Variants in CACNG5 observed in about 807,000 individuals in gnomAD.
CACNG5 encodes voltage-dependent calcium channel gamma-5 subunit.
In CACNG5, 18 loss-of-function variants were observed where a neutral mutation model predicts 24.8. The ratio of observed to expected loss-of-function variants is 0.73; its 90% confidence interval spans 0.50 to 1.08. The LOEUF (loss-of-function observed/expected upper bound fraction) is 1.08. Ranked by LOEUF, CACNG5 falls within the 50% of genes least tolerant of loss-of-function variation. The pLI is 0.00. For missense variants in CACNG5, 349 were observed against 367.9 expected (o/e 0.95, Z 0.42); for synonymous variants, 157 against 149.1 (o/e 1.05, Z -0.39).
rs561922224 is a variant in CACNG5 at position 66,850,037 on chromosome 17, G to A, written c.-104+14787G>A. On this transcript the variant is annotated intron_variant, in intron 1 of 5. Coordinates refer to ENST00000533854, the MANE Select transcript of CACNG5 (RefSeq NM_145811.3). ...TACAACTGCCAGTCAATCCAGCCTG[G>A]AGCCAAGTTCAGCAGATCACAAAGG... Among the ~76,000 whole-genome samples, 137 of 152,314 alleles carry A rather than the reference G, an allele frequency of 9.0e-4. 4 individuals carry two copies. In the South Asian group the frequency reaches 0.027, roughly 30 times the overall value.
At chr17:66,852,679 A>G (rs187831159) in intron 1 of CACNG5, among the ~76,000 whole-genome samples, 4 of 152,222 alleles carry the variant, frequency 2.6e-5, no homozygotes, top group Admixed American at 2.0e-4. Context: ...CACCTCGAAA[A>G]AGTATCTTGT....
At chr17:66,858,497 C>T (rs1323701525) in intron 1 of CACNG5, among the ~76,000 whole-genome samples, 2 of 152,196 alleles carry the variant, frequency 1.3e-5, no homozygotes, top group Non-Finnish European at 2.9e-5. Context: ...ACCCGCCACG[C>T]TCTCCCCAGC....
At chr17:66,865,314 C>T (rs1407402817) in intron 1 of CACNG5, among the ~76,000 whole-genome samples, 1 of 149,518 alleles carries the variant, frequency 6.7e-6, no homozygotes, top group African/African-American at 2.5e-5. Flanking sequence ...CATATGTTTA[C>T]AGTGTTGCAC....
rs71160595 is a variant in CACNG5, at chr17:66,838,960, C to CTTTTTTTTTTTTTTTTT, written c.-104+3713_-104+3729dup. Among the ~76,000 whole-genome samples the CTTTTTTTTTTTTTTTTT allele has an allele frequency of 2.3e-3, 206 of 88,094 alleles. 18 individuals carry two copies. Among genetic ancestry groups the CTTTTTTTTTTTTTTTTT allele is most frequent in the African/African-American group, 7.2e-3 (147 of 20,486 alleles). 57.8% of individuals were successfully genotyped at this position (88,094 alleles called of 152,430 possible). Reference sequence around the variant, plus strand: ...GTAGCACCCCAGTCCCTCACCCATTCTTTTTTTTTTTTTTTTTTTGAGACA... The same window carrying CTTTTTTTTTTTTTTTTT: ...GTAGCACCCCAGTCCCTCACCCATTCTTTTTTTTTTTTTTTTTTTTTTTTTTTTTTTTTTTTGAGACA... On this transcript the variant is annotated intron_variant, in intron 1 of 5. Coordinates refer to ENST00000533854, the MANE Select transcript of CACNG5 (RefSeq NM_145811.3).
intron 1 of CACNG5, among the ~76,000 whole-genome samples, chr17:66,838,960 C>CTTTTTTTTTTTTTTTTTTTTTT (rs71160595): frequency 3.4e-5 from 3 of 88,094 alleles, no homozygotes; most frequent in Non-Finnish European, 4.2e-5. Context: ...CTCACCCATT[C>CTTTTTTTTTTTTTTTTTTTTTT]TTTTTTTTTT....
intron 1 of CACNG5, among the ~76,000 whole-genome samples, chr17:66,855,426 G>T (rs890664831): frequency 6.6e-6 from 1 of 152,176 alleles, no homozygotes; most frequent in African/African-American, 2.4e-5. Context: ...CCTCTTCCCT[G>T]GTTGGGCATT....
In CACNG5 at chr17:66,891,138, T is replaced by G. The variant is rs895328861; in HGVS notation, c.*5898T>G. Among the ~76,000 whole-genome samples the G allele has an allele frequency of 1.3e-5, 2 of 152,078 alleles. No homozygotes were observed. Among genetic ancestry groups the G allele is most frequent in the Admixed American group, 6.5e-5 (1 of 15,268 alleles). ...TCAGAGGGAAGAGAAGGGTGGTCTT[T>G]TTCTCTATGTTTTTCTAAGGAATAA... On this transcript the variant is annotated 3_prime_UTR_variant, in exon 6 of 6. Transcript: ENST00000533854.
intron 1 of CACNG5, among the ~76,000 whole-genome samples, chr17:66,847,225 G>A (rs1247771707): frequency 6.6e-6 from 1 of 152,188 alleles, no homozygotes; most frequent in African/African-American, 2.4e-5. Context: ...TCTGTACCTG[G>A]ACACAACTTG....
chr17:66,836,000 A>C (rs1408965565), intron 1 of CACNG5, among the ~76,000 whole-genome samples: 1 of 152,246 alleles, frequency 6.6e-6, no homozygotes, highest in Non-Finnish European at 1.5e-5. Flanking sequence ...AAAATGTTAA[A>C]GTGAAATCAA....
intron 1 of CACNG5, among the ~76,000 whole-genome samples, chr17:66,871,281 T>C (rs964968259): frequency 6.6e-6 from 1 of 152,138 alleles, no homozygotes; most frequent in Non-Finnish European, 1.5e-5. Flanking sequence ...TGTCACTGGC[T>C]CCAAAGCTTT....
chr17:66,840,588 T>C (rs1466061953), intron 1 of CACNG5, among the ~76,000 whole-genome samples: 1 of 152,194 alleles, frequency 6.6e-6, no homozygotes, highest in Non-Finnish European at 1.5e-5. Flanking sequence ...GTTCACATTA[T>C]TGCAGAGGCA....
At chr17:66,849,340 G>A (rs1380866353) in intron 1 of CACNG5, among the ~76,000 whole-genome samples, 1 of 152,000 alleles carries the variant, frequency 6.6e-6, no homozygotes, top group Non-Finnish European at 1.5e-5. Flanking sequence ...TGGGACGGGA[G>A]GGGCAGAGGA....
intron 1 of CACNG5, among the ~76,000 whole-genome samples, chr17:66,876,140 A>C (rs760054962): frequency 2.6e-5 from 4 of 152,244 alleles, no homozygotes; most frequent in Non-Finnish European, 5.9e-5. Flanking sequence ...TGATGCCTAC[A>C]TGGCTGGTCC....
At chr17:66,872,355 A>T (rs1977020381) in intron 1 of CACNG5, among the ~76,000 whole-genome samples, 1 of 152,240 alleles carries the variant, frequency 6.6e-6, no homozygotes, top group African/African-American at 2.4e-5. Context: ...ACCATGTAAA[A>T]GCAGAAGCTC....
Position 66,893,731 on chromosome 17 carries a change from C to A in CACNG5, c.*8491C>A, listed in dbSNP as rs79156024. Among the ~76,000 whole-genome samples the A allele has an allele frequency of 0.019, 2,964 of 152,184 alleles. 40 individuals carry two copies. Among genetic ancestry groups the A allele is most frequent in the Non-Finnish European group, 0.03 (2,051 of 68,008 alleles). On this transcript the variant is annotated 3_prime_UTR_variant, in exon 6 of 6. Coordinates refer to ENST00000533854, the MANE Select transcript of CACNG5 (RefSeq NM_145811.3). The stretch of plus-strand genomic sequence containing the variant: ...GCCATGGCAGGTGAGACCCGCCCCC[C>A]CAACCCGGCATTCTGAAGCCCTTCA...
rs538083888 is a variant in CACNG5 at position 66,870,042 on chromosome 17, C to T, written c.-103-7188C>T. Among the ~76,000 whole-genome samples the T allele has an allele frequency of 8.6e-5, 13 of 151,282 alleles. No homozygotes were observed. The South Asian group carries it at 1.7e-3, about 19-fold the overall frequency. On this transcript the variant is annotated intron_variant, in intron 1 of 5. Transcript: ENST00000533854. The stretch of plus-strand genomic sequence containing the variant: ...AGGTTGCAGTGAGCTGAGATTGCGC[C>T]ACTGCACTCCAGCCTGGGCAAAAAG...
intron 2 of CACNG5, among the ~76,000 whole-genome samples, chr17:66,877,734 T>G (rs755765172): frequency 1.4e-4 from 21 of 152,210 alleles, no homozygotes; most frequent in Non-Finnish European, 2.8e-4. Flanking sequence ...TTTGAGCCAG[T>G]CTTTTCACCT....
rs28641810 is a variant in CACNG5, at chr17:66,852,079, G to T, written c.-104+16829G>T. 0.011 allele frequency among the ~76,000 whole-genome samples: 1,696 copies of T among 152,324 alleles called. 51 individuals are homozygous for T. The East Asian group carries it at 0.13, about 12-fold the overall frequency. ...GCTGGGGCCTGGATAGAACAAAAAG[G>T]CAGGGGACAGGCAAATTTGCTTTCT... On this transcript the variant is annotated intron_variant, in intron 1 of 5. Coordinates refer to ENST00000533854, the MANE Select transcript of CACNG5 (RefSeq NM_145811.3).
intron 1 of CACNG5, among the ~76,000 whole-genome samples, chr17:66,863,120 A>G (rs889675510): frequency 6.6e-6 from 1 of 151,394 alleles, no homozygotes; most frequent in Non-Finnish European, 1.5e-5. Flanking sequence ...TTTTTTTCTA[A>G]TATATGCTCT....
Sources: allele counts gnomAD v4.1 joint callset (sites outside exome capture counted in the v4.1 genomes callset), GRCh38; gene constraint gnomAD v4.1.1; transcripts MANE v1.5; gene names NCBI Gene and HGNC (gene_info 2026-07-23, HGNC 2026-07-21).